CYP27C1: variants seen among roughly 807,000 people sequenced by gnomAD.
CYP27C1 encodes the protein cytochrome P450 27C1.
A neutral mutation model predicts 40.6 loss-of-function variants in CYP27C1; 29 were observed. The observed-to-expected ratio is 0.71, with a 90% CI of 0.53 to 0.97. The LOEUF (loss-of-function observed/expected upper bound fraction) is 0.97, where lower values mean the gene tolerates loss of function less well. Ranked by LOEUF, CYP27C1 falls within the 50% of genes least tolerant of loss-of-function variation. The pLI, the probability that CYP27C1 is intolerant of heterozygous loss-of-function variation, is 0.00. For synonymous variants in CYP27C1, 198 were observed against 186.8 expected (o/e 1.06, Z -0.49); for missense variants, 390 against 485.8 (o/e 0.80, Z 1.85).
chr2:127,189,621 T>TA (rs34402051), intron 8 of CYP27C1, among the ~76,000 whole-genome samples: 3,221 of 141,360 alleles, frequency 0.023, 124 homozygotes, highest in African/African-American at 0.076. Context: ...AAAGTAAAAT[T>TA]AAAAAAAAAA....
chr2:127,217,474 G>C (rs1035127981), intron 1 of CYP27C1, among the ~76,000 whole-genome samples: 2 of 152,224 alleles, frequency 1.3e-5, no homozygotes. Flanking sequence ...ACCCATGAGA[G>C]GAATGGCGAT....
intron 3 of CYP27C1, among the ~76,000 whole-genome samples, chr2:127,203,171 A>G (rs1683081841): frequency 1.3e-5 from 2 of 148,686 alleles, no homozygotes; most frequent in East Asian, 2.0e-4. Context: ...TCATCTCAGA[A>G]AAAAAAAAAA....
At chr2:127,210,918 GA>G (rs1380965834) in intron 1 of CYP27C1, among the ~76,000 whole-genome samples, 2 of 152,160 alleles carry the variant, frequency 1.3e-5, no homozygotes, top group Non-Finnish European at 2.9e-5. Context: ...ATAATAATGG[GA>G]GACTTTAACA....
rs549884130 is a variant in CYP27C1, at chr2:127,217,679, C to CT, written c.282+2309dup. Among the ~76,000 whole-genome samples, 35 of 152,332 alleles carry CT rather than the reference C, an allele frequency of 2.3e-4. No homozygotes were observed. In the South Asian group the frequency reaches 7.2e-3, roughly 32 times the overall value. Reference sequence around the variant, plus strand: ...TTCTACTCTGCCAATCACCAGCTGCCTGACCTTAGGCAAGTCGCTTAGGTA... The same window carrying CT: ...TTCTACTCTGCCAATCACCAGCTGCCTTGACCTTAGGCAAGTCGCTTAGGTA... On this transcript the variant is annotated intron_variant, in intron 1 of 8. Transcript: ENST00000664447.
Position 127,187,221 on chromosome 2 carries a change from G to A in CYP27C1, c.*50C>T. 1 of 1,444,998 alleles carries A rather than the reference G, an allele frequency of 6.9e-7. No individual in the cohort carries two copies. The highest frequency in any genetic ancestry group is 9.7e-7 in the Non-Finnish European group (1 of 1,027,194). 89.5% of individuals were successfully genotyped at this position (1,444,998 alleles called of 1,614,324 possible). A position where few individuals can be genotyped will look rare whatever the true frequency, so the allele number is the denominator to read the frequency against. On this transcript the variant is annotated 3_prime_UTR_variant, in exon 9 of 9. Coordinates refer to ENST00000664447, the MANE Select transcript of CYP27C1 (RefSeq NM_001367502.1). ...TGATCAGCGAACACAAATACCCACTGTGTGTCGGCGAGCTGGTCTGCTACA... is the reference window on the plus strand; with the variant it reads ...TGATCAGCGAACACAAATACCCACTATGTGTCGGCGAGCTGGTCTGCTACA...
At position 127,209,201 on chromosome 2, in the gene CYP27C1, G is replaced by A. The variant is rs961161961; in HGVS notation, c.283-3111C>T. Among the ~76,000 whole-genome samples the A allele has an allele frequency of 1.3e-5, 2 of 152,124 alleles. No homozygotes were observed. Among genetic ancestry groups the A allele is most frequent in the African/African-American group, 2.4e-5 (1 of 41,414 alleles). ...TCCTTGAGTGACATCTCCAGGCACA[G>A]GAGCAAATCAGAAGAATAGGGCCTG... is the stretch of plus-strand genomic sequence containing the variant. On this transcript the variant is annotated intron_variant, in intron 1 of 8. Coordinates refer to ENST00000664447, the MANE Select transcript of CYP27C1 (RefSeq NM_001367502.1). This position sits in a 1 kb window ranked among gnomAD's most constrained non-coding sequence, Gnocchi z 4.1.
Position 127,209,089 on chromosome 2 carries a change from G to A in CYP27C1, c.283-2999C>T, listed in dbSNP as rs190025897. 2.6e-5 allele frequency among the ~76,000 whole-genome samples: 4 copies of A among 152,292 alleles called. No homozygotes were observed. The highest frequency in any genetic ancestry group is 2.1e-4 in the South Asian group (1 of 4,818). On this transcript the variant is annotated intron_variant, in intron 1 of 8. Coordinates refer to ENST00000664447, the MANE Select transcript of CYP27C1 (RefSeq NM_001367502.1). This position sits in a 1 kb window ranked among gnomAD's most constrained non-coding sequence, Gnocchi z 4.1. The stretch of plus-strand genomic sequence containing the variant: ...GGGTTGTCAGATACCCTATACAGAA[G>A]CAATCCTACTGGCATCAGGTTGATG...
chr2:127,189,168 G>GCCCCCCCCCCCGC (rs34707287), intron 8 of CYP27C1, among the ~76,000 whole-genome samples: 2 of 129,130 alleles, frequency 1.5e-5, no homozygotes, highest in African/African-American at 2.9e-5. Context: ...AAAAAACACT[G>GCCCCCCCCCCCGC]CCCCCCCCCT....
chr2:127,203,484 G>A lies in CYP27C1; in HGVS notation c.561C>T (p.Val187=). 2 of 1,614,050 alleles carry A rather than the reference G, an allele frequency of 1.2e-6. No individual in the cohort carries two copies. Among genetic ancestry groups the A allele is most frequent in the Non-Finnish European group, 1.7e-6 (2 of 1,180,020 alleles). ...PKDVAIYSGE[V]NQVIADLIKR... The stretch of plus-strand genomic sequence containing the variant: ...TAATTAAGTCAGCAATAACTTGGTT[G>A]ACTTCTCCAGAATAAATGGCCACAT... Residue 187 remains valine (V), a synonymous_variant, in exon 3 of 9, where the codon GTC becomes GTT. Coordinates refer to ENST00000664447, the MANE Select transcript of CYP27C1 (RefSeq NM_001367502.1).
chr2:127,205,370 C>A (rs1001212616), intron 2 of CYP27C1, among the ~76,000 whole-genome samples: 2 of 152,190 alleles, frequency 1.3e-5, no homozygotes, highest in South Asian at 2.1e-4. Flanking sequence ...CATCTGCAGG[C>A]GCCCTGGGCC....
rs2104667743 is a variant in CYP27C1, at chr2:127,186,032, C to T, written c.*1239G>A. 1 of 152,176 alleles carries T rather than the reference C, an allele frequency of 6.6e-6. No individual in the cohort carries two copies. Among genetic ancestry groups the T allele is most frequent in the East Asian group, 1.9e-4 (1 of 5,202 alleles). 9.4% of individuals were successfully genotyped at this position (152,176 alleles called of 1,614,324 possible). A position where few individuals can be genotyped will look rare whatever the true frequency, so the allele number is the denominator to read the frequency against. ...CATCAAGATAAAAATATTGTTGTAT[C>T]TGTAGCATCTCTATTTATGTATTTA... On this transcript the variant is annotated 3_prime_UTR_variant, in exon 9 of 9. Coordinates refer to ENST00000664447, the MANE Select transcript of CYP27C1 (RefSeq NM_001367502.1). The surrounding 1 kb of genome is among the most constrained non-coding windows in gnomAD (Gnocchi z 4.5).
intron 1 of CYP27C1, among the ~76,000 whole-genome samples, chr2:127,213,880 C>T (rs898105925): frequency 2.0e-5 from 3 of 152,098 alleles, no homozygotes; most frequent in Non-Finnish European, 4.4e-5. Context: ...AGGCAACCTA[C>T]AGAATGGGAG....
rs1024946652 is a variant in CYP27C1 at position 127,218,593 on chromosome 2, G to A, written c.282+1396C>T. On this transcript the variant is annotated intron_variant, in intron 1 of 8. Transcript: ENST00000664447. The surrounding 1 kb of genome is among the most constrained non-coding windows in gnomAD (Gnocchi z 6.0). ...AATTAAAATTGCTCCTCGCACGCCC[G>A]TTTTTCCATTAATGAGGGTTGGGGC... Among the ~76,000 whole-genome samples the A allele has an allele frequency of 2.6e-5, 4 of 152,210 alleles. No homozygotes were observed. The highest frequency in any genetic ancestry group is 9.6e-5 in the African/African-American group (4 of 41,530).
Position 127,209,492 on chromosome 2 carries a change from A to G in CYP27C1, c.283-3402T>C, listed in dbSNP as rs11692264. On this transcript the variant is annotated intron_variant, in intron 1 of 8. Transcript: ENST00000664447. This position sits in a 1 kb window ranked among gnomAD's most constrained non-coding sequence, Gnocchi z 4.1. ...ATCACAATGTCTCTCCATCAAGAGC[A>G]CAGAACTGGATGGAGGATCAGATGG... Among the ~76,000 whole-genome samples, 3,680 of 152,336 alleles carry G rather than the reference A, an allele frequency of 0.024. 63 individuals are homozygous for G. The highest frequency in any genetic ancestry group is 0.038 in the Non-Finnish European group (2,586 of 68,022).
At chr2:127,190,343 T>C (rs6430930) in intron 8 of CYP27C1, among the ~76,000 whole-genome samples, 10 of 70,298 alleles carry the variant, frequency 1.4e-4, no homozygotes, top group African/African-American at 6.4e-4. Context: ...TTTTTTTTTC[T>C]TTTTTTTTTT....
At chr2:127,203,875 T>A (rs1210173852) in intron 2 of CYP27C1, among the ~76,000 whole-genome samples, 1 of 151,948 alleles carries the variant, frequency 6.6e-6, no homozygotes, top group African/African-American at 2.4e-5. Flanking sequence ...GAAATAATAT[T>A]GTAATAAAGA....
At chr2:127,193,742 C>A (rs531563657) in intron 7 of CYP27C1, 47 bp downstream of exon 7, 1 of 1,607,156 alleles carries the variant, frequency 6.2e-7, no homozygotes, top group Admixed American at 1.7e-5. Flanking sequence ...GATTCCAATT[C>A]AACCCCGACC....
chr2:127,215,139 A>C (rs1258744805), intron 1 of CYP27C1, among the ~76,000 whole-genome samples: 1 of 152,014 alleles, frequency 6.6e-6, no homozygotes, highest in Non-Finnish European at 1.5e-5. Context: ...AAAAAAAAAA[A>C]AAAAAAGACT....
At chr2:127,217,015 A>G (rs550768611) in intron 1 of CYP27C1, among the ~76,000 whole-genome samples, 4 of 152,358 alleles carry the variant, frequency 2.6e-5, no homozygotes, top group African/African-American at 7.2e-5. Flanking sequence ...AGTGGCCCCC[A>G]AAGAGTTCAG....
Sources: gnomAD v4.1 joint callset for allele counts (sites outside exome capture counted in the v4.1 genomes callset) on GRCh38, gnomAD v4.1.1 for gene constraint, Gnocchi (gnomAD v3.1) non-coding constraint, MANE v1.5 for transcripts, NCBI Gene and HGNC (gene_info 2026-07-23, HGNC 2026-07-21) for gene names.